The following UGT8 variants were observed in gnomAD, a reference collection of about 807,000 sequenced individuals.
UGT8 encodes 2-hydroxyacylsphingosine 1-beta-galactosyltransferase.
UGT8 carries 12 observed loss-of-function variants against 40.5 expected under a neutral mutation model. That is an observed-to-expected ratio of 0.30 (90% CI 0.19 to 0.48). The LOEUF (loss-of-function observed/expected upper bound fraction) is 0.48, where lower values mean the gene tolerates loss of function less well. Ranked by LOEUF, UGT8 falls within the 20% of genes least tolerant of loss-of-function variation. UGT8 has a pLI of 0.99. For synonymous variants in UGT8, 224 were observed against 240.4 expected, an observed-to-expected ratio of 0.93 and a Z score of 0.63; for missense variants, 513 against 648.7, an observed-to-expected ratio of 0.79 and a Z score of 2.27.
intron 2 of UGT8, among the ~76,000 whole-genome samples, chr4:114,634,655 A>C (rs1008071443): frequency 2.6e-5 from 4 of 152,206 alleles, no homozygotes; most frequent in Non-Finnish European, 4.4e-5. Context: ...GACTAAACTT[A>C]TACTCTCCTT....
chr4:114,599,226 A>G (rs1431782522), intron 1 of UGT8, among the ~76,000 whole-genome samples: 1 of 152,150 alleles, frequency 6.6e-6, no homozygotes, highest in Non-Finnish European at 1.5e-5. Context: ...CTGGCCCCTC[A>G]TAGCGCCCGC....
chr4:114,645,843 C>T (rs1196765990), intron 2 of UGT8, among the ~76,000 whole-genome samples: 3 of 152,100 alleles, frequency 2.0e-5, no homozygotes, highest in South Asian at 2.1e-4. Context: ...GTAGATTTTA[C>T]ACATTTCAGG....
intron 2 of UGT8, among the ~76,000 whole-genome samples, chr4:114,655,046 T>C (rs1734094214): frequency 6.6e-6 from 1 of 151,918 alleles, no homozygotes; most frequent in Admixed American, 6.6e-5. Flanking sequence ...CAATTCCCGG[T>C]ACCTAGTTTT....
At chr4:114,611,715 A>G (rs1371741775) in intron 1 of UGT8, among the ~76,000 whole-genome samples, 4 of 151,404 alleles carry the variant, frequency 2.6e-5, no homozygotes, top group East Asian at 3.8e-4. Flanking sequence ...GTATACATAT[A>G]TATTTTTAAA....
chr4:114,676,340 T>G lies in UGT8; in HGVS notation c.*52T>G, dbSNP rs1395752996. The G allele has an allele frequency of 6.9e-7, 1 of 1,450,182 alleles. No homozygotes were observed. The highest frequency in any genetic ancestry group is 9.3e-7 in the Non-Finnish European group (1 of 1,077,144). The allele number at this position is 1,450,182 out of a possible 1,614,324, so 89.8% of individuals were successfully genotyped here. A position where few individuals can be genotyped will look rare whatever the true frequency, so the allele number is the denominator to read the frequency against. On this transcript the variant is annotated 3_prime_UTR_variant, in exon 6 of 6. Transcript: ENST00000310836. ...ATTGGTTCACTCATTGAATTTTTAT[T>G]GCTATTATTTAGTCTAACAGCTACT...
intron 2 of UGT8, among the ~76,000 whole-genome samples, chr4:114,647,684 T>G (rs1733659653): frequency 6.6e-6 from 1 of 152,020 alleles, no homozygotes; most frequent in African/African-American, 2.4e-5. Flanking sequence ...CCTCATAATA[T>G]CCCTAGAAGG....
chr4:114,625,324 A>T (rs1732131782), intron 2 of UGT8, among the ~76,000 whole-genome samples: 1 of 151,888 alleles, frequency 6.6e-6, no homozygotes. Flanking sequence ...ACCAGCCTGG[A>T]CAACATAGTG....
At chr4:114,637,933 G>A (rs1320045733) in intron 2 of UGT8, among the ~76,000 whole-genome samples, 1 of 152,162 alleles carries the variant, frequency 6.6e-6, no homozygotes, top group Non-Finnish European at 1.5e-5. Context: ...TGGGCTAAAC[G>A]AACCTTCAGA....
At chr4:114,607,105 A>G (rs1283843143) in intron 1 of UGT8, among the ~76,000 whole-genome samples, 2 of 152,206 alleles carry the variant, frequency 1.3e-5, no homozygotes, top group Admixed American at 6.5e-5. Flanking sequence ...TCTATTACAC[A>G]TATATTTCTA....
intron 2 of UGT8, 151 bp downstream of exon 2, chr4:114,623,853 G>A (rs1446465410): frequency 9.3e-7 from 1 of 1,070,092 alleles, no homozygotes. Context: ...GTCCCTTTAT[G>A]TGGGTCCACC....
intron 1 of UGT8, among the ~76,000 whole-genome samples, chr4:114,612,257 T>C (rs1419893036): frequency 6.6e-6 from 1 of 152,192 alleles, no homozygotes; most frequent in Non-Finnish European, 1.5e-5. Flanking sequence ...TATTTTGGTA[T>C]ACTTTGCTAT....
At chr4:114,611,687 TTACATATATATAAATATGTA>T (rs1385719867) in intron 1 of UGT8, among the ~76,000 whole-genome samples, 1 of 150,900 alleles carries the variant, frequency 6.6e-6, no homozygotes, top group Non-Finnish European at 1.5e-5. Flanking sequence ...AGACACATAT[TTACATATATATAAATATGTA>T]TACATATATA....
At chr4:114,611,146 A>G (rs555456017) in intron 1 of UGT8, among the ~76,000 whole-genome samples, 1 of 152,132 alleles carries the variant, frequency 6.6e-6, no homozygotes, top group South Asian at 2.1e-4. Flanking sequence ...AATGTCAATC[A>G]TTGTTTTTGT....
intron 1 of UGT8, among the ~76,000 whole-genome samples, chr4:114,617,604 A>T (rs1278577107): frequency 6.6e-6 from 1 of 152,204 alleles, no homozygotes; most frequent in Admixed American, 6.5e-5. Flanking sequence ...TTGTAGTCAA[A>T]TAGTAGTAGT....
At chr4:114,671,137 C>A (rs769501841) in intron 5 of UGT8, among the ~76,000 whole-genome samples, 3 of 152,086 alleles carry the variant, frequency 2.0e-5, no homozygotes, top group African/African-American at 7.2e-5. Flanking sequence ...GAACTACAAA[C>A]CACTGCTCAA....
intron 2 of UGT8, among the ~76,000 whole-genome samples, chr4:114,659,836 G>A (rs1734409013): frequency 1.3e-5 from 2 of 152,102 alleles, no homozygotes; most frequent in Admixed American, 6.6e-5. Flanking sequence ...ATCTAACATT[G>A]CAAATATAAA....
In UGT8 at chr4:114,623,033, T is replaced by C. The variant is rs1210117299; in HGVS notation, c.153T>C (p.His51=). The change falls in exon 2 of 6, where the codon CAT becomes CAC. Residue 51 remains histidine, a synonymous_variant. Transcript: ENST00000310836. ...LASALHERGH[H]TVFLLSEGRD... ...CAGCCTTGCACGAGAGAGGCCACCA[T>C]ACAGTGTTCCTCCTCTCTGAAGGCA... is the stretch of plus-strand genomic sequence containing the variant. The C allele has an allele frequency of 1.2e-6, 2 of 1,614,154 alleles. No homozygotes were observed. Among genetic ancestry groups the C allele is most frequent in the African/African-American group, 2.7e-5 (2 of 75,050 alleles).
Position 114,617,570 on chromosome 4 carries a change from G to A in UGT8, c.-2-5309G>A, listed in dbSNP as rs1307515446. On this transcript the variant is annotated intron_variant, in intron 1 of 5. Transcript: ENST00000310836. Reference sequence around the variant, plus strand: ...TTGGATTTTCTTCAAGATTCTGGCAGCATGTTACTCCACTGCCAGAATCTT... The same window carrying A: ...TTGGATTTTCTTCAAGATTCTGGCAACATGTTACTCCACTGCCAGAATCTT... Among the ~76,000 whole-genome samples, 15 of 152,250 alleles carry A rather than the reference G, an allele frequency of 9.9e-5. No individual in the cohort carries two copies. In the East Asian group the frequency reaches 2.9e-3, roughly 29 times the overall value.
intron 4 of UGT8, among the ~76,000 whole-genome samples, chr4:114,667,029 G>T (rs569960470): frequency 7.2e-5 from 11 of 152,158 alleles, no homozygotes; most frequent in African/African-American, 2.6e-4. Flanking sequence ...TTGGTGGTAG[G>T]TTTTGTTCAA....
Sources: gnomAD v4.1 joint callset for allele counts (sites outside exome capture counted in the v4.1 genomes callset) on GRCh38, gnomAD v4.1.1 for gene constraint, MANE v1.5 for transcripts, NCBI Gene and HGNC (gene_info 2026-07-23, HGNC 2026-07-21) for gene names.